DIP2A: variants seen among roughly 807,000 people sequenced by gnomAD.
DIP2A encodes disco-interacting protein 2 homolog A.
Under a neutral mutation model 177.4 loss-of-function variants are expected in DIP2A, and 85 were observed. The ratio of observed to expected loss-of-function variants is 0.48; its 90% CI spans 0.40 to 0.57. DIP2A has a LOEUF of 0.57. DIP2A is among the 20% of genes least tolerant of loss of function. DIP2A has a pLI of 0.00. For synonymous variants in DIP2A, 886 were observed against 881.8 expected, an observed-to-expected ratio of 1.00 and a Z score of -0.08; for missense variants, 1,791 against 2,100.2, an observed-to-expected ratio of 0.85 and a Z score of 2.88.
chr21:46,582,362 T>A, the DIP2A span, among the ~76,000 whole-genome samples: 23 of 152,242 alleles, frequency 1.5e-4, no homozygotes, highest in Middle Eastern at 3.4e-3. Context: ...TACTCAGTTG[T>A]CTTAGGCAGT....
intron 13 of DIP2A, among the ~76,000 whole-genome samples, chr21:46,536,532 A>G (rs2059578555): frequency 6.6e-6 from 1 of 152,206 alleles, no homozygotes; most frequent in African/African-American, 2.4e-5. Flanking sequence ...AGAGTTGAGA[A>G]GTAAGAATAT....
intron 11 of DIP2A, 133 bp downstream of exon 11, chr21:46,533,780 T>C (rs984344764): frequency 2.2e-6 from 3 of 1,376,536 alleles, no homozygotes; most frequent in Non-Finnish European, 3.0e-6. Flanking sequence ...GAGTCCTTGG[T>C]GAATCTCGGT....
rs144324766 is a variant in DIP2A, at chr21:46,497,233, G to T, written c.403+126G>T. 477 of 1,207,756 alleles carry T rather than the reference G, an allele frequency of 3.9e-4. 2 individuals are homozygous for T. In the East Asian group the frequency reaches 0.012, roughly 32 times the overall value. 74.8% of individuals were successfully genotyped at this position (1,207,756 alleles called of 1,614,324 possible). ...GTAGTATAGATTGGACGCATTTGGA[G>T]ATTAAAAATGTTTGCATATGCTCGT... is the stretch of plus-strand genomic sequence containing the variant. On this transcript the variant is annotated intron_variant, in intron 4 of 37. Transcript: ENST00000417564.
chr21:46,498,971 C>T lies in DIP2A; in HGVS notation c.655+138C>T. ...GCAGGCCTGAGTGCTCTCCAAGTGA[C>T]TGAGGTCACACAACCCAGATAACCC... On this transcript the variant is annotated intron_variant, in intron 5 of 37. Transcript: ENST00000417564. This position sits in a 1 kb window ranked among gnomAD's most constrained non-coding sequence, Gnocchi z 4.3. The T allele has an allele frequency of 2.5e-6, 3 of 1,182,562 alleles. No homozygotes were observed. The highest frequency in any genetic ancestry group is 3.4e-6 in the Non-Finnish European group (3 of 872,036). 73.3% of individuals were successfully genotyped at this position (1,182,562 alleles called of 1,614,324 possible). A position where few individuals can be genotyped will look rare whatever the true frequency, so the allele number is the denominator to read the frequency against.
Position 46,569,711 on chromosome 21 carries a change from C to T in DIP2A, c.*2089C>T, listed in dbSNP as rs761921331. 6.6e-6 allele frequency: 1 copy of T among 152,204 alleles called. No individual in the cohort carries two copies. The allele number at this position is 152,204 out of a possible 1,614,324, so 9.4% of individuals were successfully genotyped here. A position where few individuals can be genotyped will look rare whatever the true frequency, so the allele number is the denominator to read the frequency against. On this transcript the variant is annotated 3_prime_UTR_variant, in exon 38 of 38. Transcript: ENST00000417564. Reference sequence around the variant, plus strand: ...AATAAAAGTTATTGACTTTGTAATTCTGCATTTTGAAATGTGTGAAAAGGG... The same window carrying T: ...AATAAAAGTTATTGACTTTGTAATTTTGCATTTTGAAATGTGTGAAAAGGG...
intron 16 of DIP2A, 44 bp from the exon 17 acceptor site, chr21:46,539,833 C>A: frequency 6.7e-7 from 1 of 1,493,984 alleles, no homozygotes; most frequent in Non-Finnish European, 9.3e-7. Context: ...TCCCTGCTGG[C>A]CCCCCAGTTA....
intron 9 of DIP2A, 44 bp downstream of exon 9, chr21:46,529,227 G>A (rs1436811415): frequency 2.6e-6 from 3 of 1,161,714 alleles, no homozygotes; most frequent in Non-Finnish European, 3.7e-6. Context: ...GCAAAAGCAG[G>A]GACTTAAATA....
rs5844275 is a variant in DIP2A, at chr21:46,463,680, T to TTGTGTGTGTGTGTGTGTGTG, written c.91+4478_91+4497dup. ...TTAATTTCTAAAATCTGGGATATAT[T>TTGTGTGTGTGTGTGTGTGTG]TGTGTGTGTGTGTGTGTGTGTGTGT... On this transcript the variant is annotated intron_variant, in intron 1 of 37. Transcript: ENST00000417564. Among the ~76,000 whole-genome samples, 1,297 of 130,954 alleles carry TTGTGTGTGTGTGTGTGTGTG rather than the reference T, an allele frequency of 9.9e-3. 18 individuals carry two copies. Among genetic ancestry groups the TTGTGTGTGTGTGTGTGTGTG allele is most frequent in the Non-Finnish European group, 0.015 (962 of 62,144 alleles). The allele number at this position is 130,954 out of a possible 152,430, so 85.9% of individuals were successfully genotyped here. A position where few individuals can be genotyped will look rare whatever the true frequency, so the allele number is the denominator to read the frequency against.
rs576922265 is a variant in DIP2A, at chr21:46,537,376, A to G, written c.1708-70A>G. On this transcript the variant is annotated intron_variant, in intron 14 of 37. Coordinates refer to ENST00000417564, the MANE Select transcript of DIP2A (RefSeq NM_015151.4). This position sits in a 1 kb window ranked among gnomAD's most constrained non-coding sequence, Gnocchi z 4.1. ...GCCTGAAATGTTGTTGGGAGAGTAC[A>G]TCGGTTTTGTTTTGCTTTTTCTGGT... The G allele has an allele frequency of 3.1e-6, 5 of 1,609,670 alleles. No homozygotes were observed. In the African/African-American group the frequency reaches 4.0e-5, roughly 13 times the overall value.
At chr21:46,487,350 A>G (rs2148454131) in intron 2 of DIP2A, among the ~76,000 whole-genome samples, 1 of 152,348 alleles carries the variant, frequency 6.6e-6, no homozygotes, top group Admixed American at 6.5e-5. Flanking sequence ...AACTATTAAA[A>G]TATCTCTAAA....
chr21:46,568,906 G>A lies in DIP2A; in HGVS notation c.*1284G>A, dbSNP rs1256486102. On this transcript the variant is annotated 3_prime_UTR_variant, in exon 38 of 38. Transcript: ENST00000417564. ...ATGGTTACATTCTTCACTGCTTTTT[G>A]CATTTTGAGTTGTGTGCCTATAAAA... The A allele has an allele frequency of 1.3e-5, 2 of 152,012 alleles. No homozygotes were observed. Among genetic ancestry groups the A allele is most frequent in the African/African-American group, 4.8e-5 (2 of 41,384 alleles). The allele number at this position is 152,012 out of a possible 1,614,324, so 9.4% of individuals were successfully genotyped here.
chr21:46,479,915 C>T (rs1036782298), intron 1 of DIP2A, among the ~76,000 whole-genome samples: 1 of 152,186 alleles, frequency 6.6e-6, no homozygotes, highest in African/African-American at 2.4e-5. Flanking sequence ...TGTTTGGAAA[C>T]TTTAAGGCTT....
chr21:46,502,302 ATT>A (rs61344657), intron 5 of DIP2A, among the ~76,000 whole-genome samples: 2 of 149,424 alleles, frequency 1.3e-5, no homozygotes, highest in Non-Finnish European at 3.0e-5. Context: ...TGCCCAGCTA[ATT>A]TTTTTTTTTA....
intron 2 of DIP2A, among the ~76,000 whole-genome samples, chr21:46,488,316 C>G (rs1056042857): frequency 1.3e-5 from 2 of 151,990 alleles, no homozygotes; most frequent in African/African-American, 4.8e-5. Context: ...TTTGAACACC[C>G]CTTTGAGTAG....
At chr21:46,530,134 A>T (rs1159874363) in intron 9 of DIP2A, among the ~76,000 whole-genome samples, 1 of 152,194 alleles carries the variant, frequency 6.6e-6, no homozygotes, top group Non-Finnish European at 1.5e-5. Flanking sequence ...GGCAAGCTGG[A>T]CCAGACCGGA....
the DIP2A span, among the ~76,000 whole-genome samples, chr21:46,582,757 T>C: frequency 6.6e-6 from 1 of 152,192 alleles, no homozygotes; most frequent in Non-Finnish European, 1.5e-5. Flanking sequence ...GTAGGCCATC[T>C]TTCCACTTTG....
At position 46,484,801 on chromosome 21, in the gene DIP2A, C is replaced by T; in HGVS notation, c.136C>T (p.Leu46Phe). ...ATATGAAAAGAAAAGGGCAAAGCTG[C>T]TTGCACGTTATATACCGCTTATTCA... ...KGYEKKRAKL[L>F]ARYIPLIQGI... The change falls in exon 2 of 38, where the codon CTT becomes TTT. Residue 46 changes from leucine to phenylalanine, a missense_variant. Coordinates refer to ENST00000417564, the MANE Select transcript of DIP2A (RefSeq NM_015151.4). 3.2e-6 allele frequency: 5 copies of T among 1,586,036 alleles called. No individual in the cohort carries two copies. The highest frequency in any genetic ancestry group is 2.3e-5 in the East Asian group (1 of 44,054).
At chr21:46,554,786 G>GCCCCCCCCCCCCCCCCCCCCCCCCCCCCC in intron 27 of DIP2A, 36 bp from the exon 28 acceptor site, 1 of 1,519,128 alleles carries the variant, frequency 6.6e-7, no homozygotes, top group Non-Finnish European at 8.8e-7. Flanking sequence ...AGCTTGAGAG[G>GCCCCCCCCCCCCCCCCCCCCCCCCCCCCC]CCCCGCCCAC....
intron 1 of DIP2A, among the ~76,000 whole-genome samples, chr21:46,482,995 C>T (rs1051667975): frequency 2.0e-5 from 3 of 152,142 alleles, no homozygotes; most frequent in Non-Finnish European, 2.9e-5. Flanking sequence ...ATTGTCACTG[C>T]AGCACTGAGC....
Sources: allele counts gnomAD v4.1 joint callset (sites outside exome capture counted in the v4.1 genomes callset), GRCh38; gene constraint gnomAD v4.1.1; non-coding constraint Gnocchi (gnomAD v3.1); transcripts MANE v1.5; gene names NCBI Gene and HGNC (gene_info 2026-07-23, HGNC 2026-07-21).